PYURF: variants seen among roughly 807,000 people sequenced by gnomAD.
The protein encoded by PYURF is PIGY upstream open reading frame.
A neutral mutation model predicts 8.0 loss-of-function variants in PYURF; 9 were observed. The ratio of observed to expected loss-of-function variants is 1.13; its 90% CI spans 0.68 to 1.97. The LOEUF (loss-of-function observed/expected upper bound fraction) is 1.97, where lower values mean the gene tolerates loss of function less well. Among genes scored for constraint, PYURF ranks in the 30% most tolerant of loss-of-function variants. PYURF has a pLI of 0.00. For missense variants in PYURF, 130 were observed against 158.0 expected (o/e 0.82, Z 0.95); for synonymous variants, 56 against 68.3 (o/e 0.82, Z 0.89).
Position 88,523,766 on chromosome 4 carries a change from C to G in PYURF, c.-66G>C, listed in dbSNP as rs991610681. On this transcript the variant is annotated 5_prime_UTR_variant, in exon 1 of 2. Transcript: ENST00000273968. ...ACCCGTGGCCGAGCTCCCGGCTTCCCGTTCGTCCAGGCCAGCCGGGCAGGC... is the reference window on the plus strand; with the variant it reads ...ACCCGTGGCCGAGCTCCCGGCTTCCGGTTCGTCCAGGCCAGCCGGGCAGGC... 6 of 1,376,558 alleles carry G rather than the reference C, an allele frequency of 4.4e-6. No homozygotes were observed. Among genetic ancestry groups the G allele is most frequent in the South Asian group, 1.6e-5 (1 of 63,388 alleles). 85.3% of individuals were successfully genotyped at this position (1,376,558 alleles called of 1,614,324 possible). A position where few individuals can be genotyped will look rare whatever the true frequency, so the allele number is the denominator to read the frequency against.
At chr4:88,522,563 C>G (rs769356763) in intron 1 of PYURF, among the ~76,000 whole-genome samples, 1 of 152,194 alleles carries the variant, frequency 6.6e-6, no homozygotes, top group African/African-American at 2.4e-5. Context: ...ATGATAATTT[C>G]AAGGTTCGAG....
chr4:88,521,856 G>A lies in PYURF; in HGVS notation c.*32C>T. ...TATATGGTATTAAGAAAAGTTGGCT[G>A]TTGCGTTTTTTTAATTTTTTTAAAT... is the stretch of plus-strand genomic sequence containing the variant. On this transcript the variant is annotated 3_prime_UTR_variant, in exon 2 of 2. Transcript: ENST00000273968. The A allele has an allele frequency of 6.4e-7, 1 of 1,551,830 alleles. No homozygotes were observed. The highest frequency in any genetic ancestry group is 2.0e-5 in the Admixed American group (1 of 49,132).
Position 88,521,241 on chromosome 4 carries a change from A to G in PYURF, c.*647T>C. ...TGACTTTACCAAAGACCTTGAAGCT[A>G]AACAAACAAGCAAAACAAAATTTCA... On this transcript the variant is annotated 3_prime_UTR_variant, in exon 2 of 2. Transcript: ENST00000273968. 1 of 235,096 alleles carries G rather than the reference A, an allele frequency of 4.3e-6. No homozygotes were observed. The highest frequency in any genetic ancestry group is 9.3e-5 in the East Asian group (1 of 10,760). 14.6% of individuals were successfully genotyped at this position (235,096 alleles called of 1,614,324 possible). A position where few individuals can be genotyped will look rare whatever the true frequency, so the allele number is the denominator to read the frequency against.
Position 88,521,983 on chromosome 4 carries a change from C to G in PYURF, c.250G>C (p.Ala84Pro). Residue 84 changes from alanine (A) to proline (P), a missense_variant, in exon 2 of 2, where the codon GCT becomes CCT. Physicochemically the swap from Ala to Pro is conservative, Grantham distance 27. Coordinates refer to ENST00000273968, the MANE Select transcript of PYURF (RefSeq NM_032906.5). Reference sequence around the variant, plus strand: ...GGGATCCCATCAATGATTGGATAAGCTATTCCCAACTCTTCATTAATCAAT... The same window carrying G: ...GGGATCCCATCAATGATTGGATAAGGTATTCCCAACTCTTCATTAATCAAT... ...NELINEELGI[A>P]YPIIDGIPNM... The G allele has an allele frequency of 6.4e-7, 1 of 1,550,930 alleles. No homozygotes were observed. The highest frequency in any genetic ancestry group is 8.7e-7 in the Non-Finnish European group (1 of 1,146,682).
rs1742463530 is a variant in PYURF, at chr4:88,523,580, TG to T, written c.120del (p.Lys41ArgfsTer36). On this transcript the variant is annotated frameshift_variant, in exon 1 of 2. Transcript: ENST00000273968. LOFTEE classifies it high-confidence loss of function. The part of the protein sequence containing the change: ...ASGSRPLADR[G>X]KKTEEPPRDF... Reference sequence around the variant, plus strand: ...TCGCGGGGCGGCTCCTCAGTCTTCTTGCCCCGGTCGGCCAAAGGCCGCGACC... The same window carrying T: ...TCGCGGGGCGGCTCCTCAGTCTTCTTCCCCGGTCGGCCAAAGGCCGCGACC... 6.5e-7 allele frequency: 1 copy of T among 1,550,196 alleles called. No homozygotes were observed. The highest frequency in any genetic ancestry group is 8.7e-7 in the Non-Finnish European group (1 of 1,146,804).
Position 88,521,689 on chromosome 4 carries a change from C to T in PYURF, c.*199G>A, listed in dbSNP as rs1399588452. On this transcript the variant is annotated 3_prime_UTR_variant, in exon 2 of 2. Transcript: ENST00000273968. ...AAAGCAAAGGCTGGCTGTGCTAGTG[C>T]AGCCCTGTGGGAAGTTTTCTTCCAC... 5 of 1,613,938 alleles carry T rather than the reference C, an allele frequency of 3.1e-6. No individual in the cohort carries two copies. The highest frequency in any genetic ancestry group is 3.4e-6 in the Non-Finnish European group (4 of 1,179,840).
At position 88,521,667 on chromosome 4, in the gene PYURF, G is replaced by A; in HGVS notation, c.*221C>T. 1.9e-6 allele frequency: 3 copies of A among 1,613,964 alleles called. No individual in the cohort carries two copies. The highest frequency in any genetic ancestry group is 1.7e-6 in the Non-Finnish European group (2 of 1,179,854). The stretch of plus-strand genomic sequence containing the variant: ...TAATAGGCAAGAGCAGGCTGTAAAA[G>A]CAAAGGCTGGCTGTGCTAGTGCAGC... On this transcript the variant is annotated 3_prime_UTR_variant, in exon 2 of 2. Coordinates refer to ENST00000273968, the MANE Select transcript of PYURF (RefSeq NM_032906.5).
chr4:88,523,718 C>G lies in PYURF; in HGVS notation c.-18G>C. The stretch of plus-strand genomic sequence containing the variant: ...CTCAGCATGGTCTGGCAGCCGGAGA[C>G]CAGGCCTCACCGCAGCCTCGCCACC... On this transcript the variant is annotated 5_prime_UTR_variant, in exon 1 of 2. Transcript: ENST00000273968. 7.0e-7 allele frequency: 1 copy of G among 1,428,630 alleles called. No homozygotes were observed. Among genetic ancestry groups the G allele is most frequent in the Non-Finnish European group, 9.1e-7 (1 of 1,099,042 alleles). The allele number at this position is 1,428,630 out of a possible 1,614,324, so 88.5% of individuals were successfully genotyped here. A position where few individuals can be genotyped will look rare whatever the true frequency, so the allele number is the denominator to read the frequency against.
At chr4:88,522,412 T>C (rs2149118076) in intron 1 of PYURF, among the ~76,000 whole-genome samples, 1 of 152,330 alleles carries the variant, frequency 6.6e-6, no homozygotes, top group East Asian at 1.9e-4. Flanking sequence ...AAAATCAACT[T>C]CTTCATTTTA....
chr4:88,523,436 T>C (rs1742453101), intron 1 of PYURF, 62 bp downstream of exon 1: 11 of 1,524,268 alleles, frequency 7.2e-6, no homozygotes, highest in South Asian at 1.2e-5. Context: ...GAGGCCGCGG[T>C]CCACCGCTCC....
chr4:88,523,645 GGCGCGCGCGTTCCCCGCA>G lies in PYURF; in HGVS notation c.38_55del (p.Leu13_Ala18del). 2.6e-6 allele frequency: 4 copies of G among 1,539,556 alleles called. No individual in the cohort carries two copies. In the East Asian group the frequency reaches 7.4e-5, roughly 28 times the overall value. ...GCACCTACGGGCGACCGCGGACGGC[GGCGCGCGCGTTCCCCGCA>G]GCGCTGAGGCGAGCCTGCAGCGTGC... On this transcript the variant is annotated inframe_deletion, in exon 1 of 2. Coordinates refer to ENST00000273968, the MANE Select transcript of PYURF (RefSeq NM_032906.5).
At position 88,521,841 on chromosome 4, in the gene PYURF, TAAGAAAA is replaced by T; in HGVS notation, c.*40_*46del. ...CTGTGTTTTAAAAGGTATATGGTATTAAGAAAAGTTGGCTGTTGCGTTTTTTTAATTT... is the reference window on the plus strand; with the variant it reads ...CTGTGTTTTAAAAGGTATATGGTATTGTTGGCTGTTGCGTTTTTTTAATTT... On this transcript the variant is annotated 3_prime_UTR_variant, in exon 2 of 2. Transcript: ENST00000273968. 6.4e-7 allele frequency: 1 copy of T among 1,572,226 alleles called. No homozygotes were observed. The highest frequency in any genetic ancestry group is 8.6e-7 in the Non-Finnish European group (1 of 1,159,968).
chr4:88,523,535 C>A lies in PYURF; in HGVS notation c.166G>T (p.Glu56Ter), dbSNP rs1162884089. The A allele has an allele frequency of 2.3e-5, 35 of 1,551,128 alleles. No homozygotes were observed. The highest frequency in any genetic ancestry group is 2.8e-5 in the Non-Finnish European group (32 of 1,146,888). The change falls in exon 1 of 2, where the codon GAG becomes TAG. Residue 56 changes from glutamate to a stop codon, truncating the protein, a stop_gained. Coordinates refer to ENST00000273968, the MANE Select transcript of PYURF (RefSeq NM_032906.5). LOFTEE classifies it high-confidence loss of function. ...TTGGAGAGCGGGCACACCAGGAACT[C>A]CAGCAGCGCCGGATCGAAGTCGCGG... The part of the protein sequence containing the change: ...PPRDFDPALL[E>*]FLVCPLSKKP...
chr4:88,523,429 G>A, intron 1 of PYURF, 69 bp downstream of exon 1: 2 of 1,502,498 alleles, frequency 1.3e-6, no homozygotes, highest in Non-Finnish European at 1.8e-6. Context: ...GCTGCAAGAG[G>A]CCGCGGTCCA....
chr4:88,522,795 A>G (rs1458356840), intron 1 of PYURF, among the ~76,000 whole-genome samples: 1 of 152,230 alleles, frequency 6.6e-6, no homozygotes, highest in African/African-American at 2.4e-5. Flanking sequence ...CACAACTAAG[A>G]GCCACTGGGC....
chr4:88,522,877 G>A (rs542366422), intron 1 of PYURF, among the ~76,000 whole-genome samples: 1 of 152,202 alleles, frequency 6.6e-6, no homozygotes, highest in Admixed American at 6.5e-5. Flanking sequence ...GAATCTGGAG[G>A]GTACAACAAT....
rs1742364298 is a variant in PYURF, at chr4:88,521,305, A to G, written c.*583T>C. Reference sequence around the variant, plus strand: ...GAATGGAATAAGAAATAGTCATCACATGTCAATTAGGGATGTTCATCTCCA... The same window carrying G: ...GAATGGAATAAGAAATAGTCATCACGTGTCAATTAGGGATGTTCATCTCCA... On this transcript the variant is annotated 3_prime_UTR_variant, in exon 2 of 2. Transcript: ENST00000273968. 2.5e-6 allele frequency: 1 copy of G among 407,676 alleles called. No homozygotes were observed. The highest frequency in any genetic ancestry group is 2.0e-5 in the African/African-American group (1 of 50,494). 25.3% of individuals were successfully genotyped at this position (407,676 alleles called of 1,614,324 possible).
intron 1 of PYURF, 92 bp downstream of exon 1, chr4:88,523,406 C>CA (rs1742451557): frequency 2.2e-6 from 3 of 1,334,706 alleles, no homozygotes; most frequent in Admixed American, 2.0e-5. Context: ...GACCGACCTA[C>CA]AAGGCCCCAG....
In PYURF at chr4:88,521,735, C is replaced by T; in HGVS notation, c.*153G>A. 3 of 1,613,820 alleles carry T rather than the reference C, an allele frequency of 1.9e-6. No homozygotes were observed. Among genetic ancestry groups the T allele is most frequent in the Non-Finnish European group, 2.5e-6 (3 of 1,179,844 alleles). On this transcript the variant is annotated 3_prime_UTR_variant, in exon 2 of 2. Transcript: ENST00000273968. Reference sequence around the variant, plus strand: ...TCCACAGAGGCTGAGTAGAACAGTCCTGCTAAAGAAACCAGTGGAATAAGA... The same window carrying T: ...TCCACAGAGGCTGAGTAGAACAGTCTTGCTAAAGAAACCAGTGGAATAAGA...
Sources: gnomAD v4.1 joint callset for allele counts (sites outside exome capture counted in the v4.1 genomes callset) on GRCh38, gnomAD v4.1.1 for gene constraint, MANE v1.5 for transcripts, NCBI Gene and HGNC (gene_info 2026-07-23, HGNC 2026-07-21) for gene names.